The following FBLN5 variants were observed in gnomAD, a reference collection of about 807,000 sequenced individuals.
FBLN5 encodes the protein fibulin 5, also known as fibulin-5.
Under a neutral mutation model 61.6 loss-of-function variants are expected in FBLN5, and 24 were observed. The ratio of observed to expected loss-of-function variants is 0.39; its 90% CI spans 0.28 to 0.55. The LOEUF is 0.55. Among genes scored for constraint, FBLN5 ranks in the 20% least tolerant of loss-of-function variants. The probability of loss-of-function intolerance (pLI) is 0.65; values close to 1 mark genes in which losing one functional copy is unlikely to be tolerated. For synonymous variants in FBLN5, 213 were observed against 219.8 expected (o/e 0.97, Z 0.27); for missense variants, 470 against 594.1 (o/e 0.79, Z 2.17).
chr14:91,887,152 C>G (rs761426554), intron 7 of FBLN5, 41 bp downstream of exon 7: 9 of 1,612,136 alleles, frequency 5.6e-6, no homozygotes, highest in Non-Finnish European at 5.9e-6. Context: ...CTGCCCAGGC[C>G]CCAAGTACAG....
intron 4 of FBLN5, among the ~76,000 whole-genome samples, chr14:91,929,080 AACAC>A (rs113397883): frequency 0.039 from 5,652 of 143,206 alleles, 124 homozygotes; most frequent in African/African-American, 0.06. Context: ...CCTGTCTCAA[AACAC>A]ACACACACAC....
At chr14:91,942,555 A>G (rs147327466) in intron 2 of FBLN5, among the ~76,000 whole-genome samples, 1 of 152,380 alleles carries the variant, frequency 6.6e-6, no homozygotes, top group East Asian at 1.9e-4. Flanking sequence ...ATACCTAGTG[A>G]TGAATTGATA....
At chr14:91,893,687 C>T (rs1890089754) in intron 5 of FBLN5, among the ~76,000 whole-genome samples, 1 of 152,170 alleles carries the variant, frequency 6.6e-6, no homozygotes, top group Non-Finnish European at 1.5e-5. Context: ...ACTCACTTGG[C>T]TAAACCCAAA....
intron 1 of FBLN5, chr14:91,946,847 A>T: frequency 6.6e-7 from 1 of 1,516,162 alleles, no homozygotes; most frequent in Non-Finnish European, 8.8e-7. Context: ...CGGCGCAGTA[A>T]TTGCTAGTGA....
At chr14:91,898,394 T>G (rs1439526926) in intron 4 of FBLN5, among the ~76,000 whole-genome samples, 1 of 151,998 alleles carries the variant, frequency 6.6e-6, no homozygotes, top group Non-Finnish European at 1.5e-5. Flanking sequence ...TGTGTGTACT[T>G]TAAAAACAGC....
chr14:91,938,844 C>T (rs879612383), intron 3 of FBLN5, among the ~76,000 whole-genome samples: 6 of 152,226 alleles, frequency 3.9e-5, no homozygotes, highest in Non-Finnish European at 8.8e-5. Context: ...GAGGTAAAAG[C>T]AATGGCAAGG....
chr14:91,940,516 A>G, intron 3 of FBLN5, 49 bp downstream of exon 3: 3 of 1,451,746 alleles, frequency 2.1e-6, no homozygotes, highest in Non-Finnish European at 2.9e-6. Context: ...TAGCACTGCA[A>G]CTGGGCTGAA....
intron 4 of FBLN5, among the ~76,000 whole-genome samples, chr14:91,917,798 A>T (rs2249946): frequency 0.91 from 138,652 of 152,116 alleles, 63,395 homozygotes; most frequent in Non-Finnish European, 0.95. Flanking sequence ...CAGCACCAAG[A>T]GTAACAAGTG....
intron 5 of FBLN5, among the ~76,000 whole-genome samples, chr14:91,893,772 A>G (rs1282649827): frequency 6.6e-6 from 1 of 152,236 alleles, no homozygotes; most frequent in Non-Finnish European, 1.5e-5. Flanking sequence ...CTAACTGCAA[A>G]GGCAGTTCTC....
intron 10 of FBLN5, among the ~76,000 whole-genome samples, chr14:91,875,485 C>A (rs1889123640): frequency 6.6e-6 from 1 of 152,198 alleles, no homozygotes; most frequent in African/African-American, 2.4e-5. Context: ...ACCACAGGCC[C>A]TACTGCCCAT....
intron 4 of FBLN5, among the ~76,000 whole-genome samples, chr14:91,904,936 A>G (rs1428951966): frequency 1.3e-5 from 2 of 152,160 alleles, no homozygotes; most frequent in African/African-American, 4.8e-5. Flanking sequence ...ATTCTCAACA[A>G]TCATAGGAGG....
At chr14:91,919,205 C>G (rs111821463) in intron 4 of FBLN5, among the ~76,000 whole-genome samples, 33,662 of 151,420 alleles carry the variant, frequency 0.22, 3,894 homozygotes, top group Middle Eastern at 0.34. Flanking sequence ...GTGGCATGCA[C>G]CTGTAATCCC....
In FBLN5 at chr14:91,881,120, T is replaced by TAC. The variant is rs200128392; in HGVS notation, c.989+170_989+171dup. On this transcript the variant is annotated intron_variant, in intron 9 of 10. Transcript: ENST00000342058. ...CTATCTATTCTACTCTGTTCTATTC[T>TAC]ACACACACACACACACACACACACA... Among the ~76,000 whole-genome samples, 237 of 61,548 alleles carry TAC rather than the reference T, an allele frequency of 3.9e-3. 1 individual carries two copies. The highest frequency in any genetic ancestry group is 0.016 in the African/African-American group (225 of 14,066). 40.4% of individuals were successfully genotyped at this position (61,548 alleles called of 152,430 possible).
chr14:91,930,255 C>T (rs1370075836), intron 4 of FBLN5, among the ~76,000 whole-genome samples: 5 of 152,060 alleles, frequency 3.3e-5, no homozygotes, highest in Non-Finnish European at 7.4e-5. Context: ...TTTCCTGTGG[C>T]AGTTGGTACT....
chr14:91,922,342 A>ATAAG (rs1566821574), intron 4 of FBLN5, among the ~76,000 whole-genome samples: 3 of 150,772 alleles, frequency 2.0e-5, no homozygotes, highest in African/African-American at 7.3e-5. Context: ...AAATAAATAA[A>ATAAG]TAAATAAATA....
At chr14:91,900,678 G>A (rs928819003) in intron 4 of FBLN5, among the ~76,000 whole-genome samples, 6 of 152,230 alleles carry the variant, frequency 3.9e-5, no homozygotes, top group Non-Finnish European at 8.8e-5. Context: ...AATAAGGCAG[G>A]GCAATTTACT....
chr14:91,922,689 G>A (rs974895559), intron 4 of FBLN5, among the ~76,000 whole-genome samples: 10 of 152,182 alleles, frequency 6.6e-5, no homozygotes, highest in African/African-American at 2.4e-4. Context: ...TGGTGGGATC[G>A]CTTACATCTC....
At chr14:91,945,205 C>T (rs941447733) in intron 1 of FBLN5, among the ~76,000 whole-genome samples, 3 of 147,020 alleles carry the variant, frequency 2.0e-5, no homozygotes, top group Admixed American at 6.9e-5. Context: ...CATTCCAGCC[C>T]GGGAGACAGC....
chr14:91,913,926 T>A lies in FBLN5; in HGVS notation c.380-18854A>T, dbSNP rs146739097. On this transcript the variant is annotated intron_variant, in intron 4 of 10. Transcript: ENST00000342058. ...AGGGAAAATTAAAAATTCTTACAAC[T>A]TAATAGCAATAAATACCATACATCC... is the stretch of plus-strand genomic sequence containing the variant. Among the ~76,000 whole-genome samples, 1,140 of 152,286 alleles carry A rather than the reference T, an allele frequency of 7.5e-3. 6 individuals carry two copies. The highest frequency in any genetic ancestry group is 0.011 in the Non-Finnish European group (722 of 68,028).
Sources: allele counts gnomAD v4.1 joint callset (sites outside exome capture counted in the v4.1 genomes callset), GRCh38; gene constraint gnomAD v4.1.1; transcripts MANE v1.5; gene names NCBI Gene and HGNC (gene_info 2026-07-23, HGNC 2026-07-21).